ARHGAP24: variants seen among roughly 807,000 people sequenced by gnomAD.
ARHGAP24 encodes the protein rho GTPase-activating protein 24.
In ARHGAP24, 50 loss-of-function variants were observed where a neutral mutation model predicts 76.4. The observed-to-expected ratio is 0.65, with a 90% CI of 0.52 to 0.83. The LOEUF (loss-of-function observed/expected upper bound fraction) is 0.83, where lower values mean the gene tolerates loss of function less well. Ranked by LOEUF, ARHGAP24 falls within the 40% of genes least tolerant of loss-of-function variation. ARHGAP24 has a pLI of 0.00. For missense variants in ARHGAP24, 930 were observed against 914.2 expected (o/e 1.02, Z -0.22); for synonymous variants, 345 against 323.3 (o/e 1.07, Z -0.72).
chr4:85,652,950 G>C (rs2109982904), intron 2 of ARHGAP24, among the ~76,000 whole-genome samples: 1 of 152,102 alleles, frequency 6.6e-6, no homozygotes, highest in Admixed American at 6.5e-5. Context: ...GCTACTTTTT[G>C]TTTCAGTGTT....
At position 85,475,221 on chromosome 4, in the gene ARHGAP24, C is replaced by G. The variant is rs1342818647; in HGVS notation, c.-359C>G. 1 of 152,370 alleles carries G rather than the reference C, an allele frequency of 6.6e-6. No individual in the cohort carries two copies. The highest frequency in any genetic ancestry group is 2.4e-5 in the African/African-American group (1 of 41,476). The allele number at this position is 152,370 out of a possible 1,614,324, so 9.4% of individuals were successfully genotyped here. On this transcript the variant is annotated 5_prime_UTR_variant, in exon 1 of 10. Transcript: ENST00000395184. Reference sequence around the variant, plus strand: ...GTGCATGTGGCAACACAGCCCAGCTCCGGGTGGAAACCAGCAGGGCTCTGG... The same window carrying G: ...GTGCATGTGGCAACACAGCCCAGCTGCGGGTGGAAACCAGCAGGGCTCTGG...
chr4:85,563,977 C>T (rs112863207), intron 1 of ARHGAP24, among the ~76,000 whole-genome samples: 2,281 of 152,212 alleles, frequency 0.015, 31 homozygotes, highest in Middle Eastern at 0.031. Flanking sequence ...AGGAAATGTT[C>T]TGAGAAATGA....
At chr4:85,490,971 C>T (rs1723331001) in intron 1 of ARHGAP24, among the ~76,000 whole-genome samples, 1 of 152,150 alleles carries the variant, frequency 6.6e-6, no homozygotes, top group African/African-American at 2.4e-5. Context: ...CTGCAAACTC[C>T]TATTTGCCTT....
At chr4:85,782,781 TTAAC>T (rs1727626202) in intron 3 of ARHGAP24, among the ~76,000 whole-genome samples, 1 of 152,224 alleles carries the variant, frequency 6.6e-6, no homozygotes, top group African/African-American at 2.4e-5. Context: ...TGGCCTTTGT[TTAAC>T]ATATTAAATT....
At chr4:85,620,372 A>G (rs925142902) in intron 2 of ARHGAP24, among the ~76,000 whole-genome samples, 2 of 151,958 alleles carry the variant, frequency 1.3e-5, no homozygotes, top group African/African-American at 4.8e-5. Context: ...TTCATGATTC[A>G]GTCTTGATAG....
chr4:85,963,306 A>C (rs1738372814), intron 5 of ARHGAP24, among the ~76,000 whole-genome samples: 1 of 152,086 alleles, frequency 6.6e-6, no homozygotes, highest in Non-Finnish European at 1.5e-5. Context: ...TTTGAATGTT[A>C]CTTCTAAGTT....
At chr4:85,538,654 C>T (rs1013841858) in intron 1 of ARHGAP24, among the ~76,000 whole-genome samples, 1 of 152,126 alleles carries the variant, frequency 6.6e-6, no homozygotes, top group Non-Finnish European at 1.5e-5. Flanking sequence ...CTTACCATGA[C>T]TCATTGACTT....
chr4:85,746,440 A>C (rs1726040049), intron 3 of ARHGAP24, among the ~76,000 whole-genome samples: 1 of 152,100 alleles, frequency 6.6e-6, no homozygotes. Context: ...AAAATACTTA[A>C]TTTCAAGAGA....
At chr4:85,562,593 C>G (rs1030974381) in intron 1 of ARHGAP24, among the ~76,000 whole-genome samples, 33 of 152,194 alleles carry the variant, frequency 2.2e-4, no homozygotes, top group African/African-American at 8.0e-4. Context: ...CTCTCTACCA[C>G]CACCTGTGCT....
intron 2 of ARHGAP24, among the ~76,000 whole-genome samples, chr4:85,598,570 T>G (rs1052404995): frequency 1.3e-5 from 2 of 152,074 alleles, no homozygotes; most frequent in African/African-American, 4.8e-5. Flanking sequence ...ATCTTGAAAT[T>G]ATTATTTGAA....
intron 2 of ARHGAP24, among the ~76,000 whole-genome samples, chr4:85,607,787 G>C (rs573606561): frequency 8.4e-5 from 7 of 83,346 alleles, no homozygotes; most frequent in Non-Finnish European, 1.5e-4. Flanking sequence ...CCAGGTGTTG[G>C]AGCCATAGCT....
rs1738969657 is a variant in ARHGAP24 at position 85,971,355 on chromosome 4, T to G, written c.600-681T>G. Among the ~76,000 whole-genome samples the G allele has an allele frequency of 1.3e-5, 2 of 152,230 alleles. 1 individual carries two copies. The highest frequency in any genetic ancestry group is 1.3e-4 in the Admixed American group (2 of 15,278). On this transcript the variant is annotated intron_variant, in intron 5 of 9. Transcript: ENST00000395184. ...TTTTTTTGTAAATTTTATTACAGTA[T>G]ATTTTATTTAAGATCTAATATATTC...
chr4:85,977,834 T>A, intron 8 of ARHGAP24, 143 bp downstream of exon 8: 2 of 1,052,908 alleles, frequency 1.9e-6, no homozygotes, highest in South Asian at 1.5e-5. Flanking sequence ...TCTTTAAATG[T>A]AAAAATCTTC....
intron 2 of ARHGAP24, among the ~76,000 whole-genome samples, chr4:85,670,248 G>C (rs1160697516): frequency 6.6e-6 from 1 of 152,106 alleles, no homozygotes. Context: ...CTCTTAGGTT[G>C]CCTACTTCAT....
At position 85,721,252 on chromosome 4, in the gene ARHGAP24, C is replaced by T. The variant is rs1158115433; in HGVS notation, c.181-633C>T. Reference sequence around the variant, plus strand: ...CTCTACTGAAAATACAAAAATTGGCCGGGTGTGCTGGCAGATGCCTGTAAT... The same window carrying T: ...CTCTACTGAAAATACAAAAATTGGCTGGGTGTGCTGGCAGATGCCTGTAAT... On this transcript the variant is annotated intron_variant, in intron 2 of 9. Coordinates refer to ENST00000395184, the MANE Select transcript of ARHGAP24 (RefSeq NM_001025616.3). 3.3e-5 allele frequency among the ~76,000 whole-genome samples: 5 copies of T among 151,840 alleles called. No homozygotes were observed. The East Asian group carries it at 5.8e-4, about 18-fold the overall frequency.
At chr4:85,492,055 C>G (rs997071553) in intron 1 of ARHGAP24, among the ~76,000 whole-genome samples, 1 of 151,386 alleles carries the variant, frequency 6.6e-6, no homozygotes, top group Non-Finnish European at 1.5e-5. Context: ...CTCGCCATTC[C>G]CTCTTCCTCC....
intron 2 of ARHGAP24, among the ~76,000 whole-genome samples, chr4:85,684,413 G>GA (rs1169498055): frequency 1.3e-5 from 2 of 151,876 alleles, no homozygotes; most frequent in Admixed American, 6.6e-5. Flanking sequence ...TTCATCCAGA[G>GA]AAAAAATGCT....
intron 3 of ARHGAP24, among the ~76,000 whole-genome samples, chr4:85,768,762 G>T (rs530123065): frequency 6.6e-6 from 1 of 152,042 alleles, no homozygotes; most frequent in Non-Finnish European, 1.5e-5. Context: ...GGGCAACAGA[G>T]TGAGATTCCA....
intron 1 of ARHGAP24, among the ~76,000 whole-genome samples, chr4:85,491,959 A>G (rs1723373232): frequency 6.6e-6 from 1 of 152,042 alleles, no homozygotes; most frequent in African/African-American, 2.4e-5. Context: ...TTGAAGTTAA[A>G]TGTCTTGTTT....
Sources: allele counts gnomAD v4.1 joint callset (sites outside exome capture counted in the v4.1 genomes callset), GRCh38; gene constraint gnomAD v4.1.1; transcripts MANE v1.5; gene names NCBI Gene and HGNC (gene_info 2026-07-23, HGNC 2026-07-21).